ADCY9: variants seen among roughly 807,000 people sequenced by gnomAD.
ADCY9 encodes adenylate cyclase 9, also known as adenylate cyclase type 9.
In ADCY9, 50 loss-of-function variants were observed where a neutral mutation model predicts 101.5. That is an observed-to-expected ratio of 0.49 (90% CI 0.39 to 0.62). The LOEUF is 0.62. Among genes scored for constraint, ADCY9 ranks in the 20% least tolerant of loss-of-function variants. The probability of loss-of-function intolerance (pLI) is 0.00; values close to 1 mark genes in which losing one functional copy is unlikely to be tolerated. For synonymous variants in ADCY9, 905 were observed against 769.3 expected, an observed-to-expected ratio of 1.18 and a Z score of -2.92; for missense variants, 1,662 against 1,800.4, an observed-to-expected ratio of 0.92 and a Z score of 1.39.
intron 2 of ADCY9, among the ~76,000 whole-genome samples, chr16:4,108,969 G>A (rs969469718): frequency 6.6e-6 from 1 of 151,958 alleles, no homozygotes; most frequent in African/African-American, 2.4e-5. Flanking sequence ...GCCTCCCAAA[G>A]TGTTGAGATT....
intron 3 of ADCY9, among the ~76,000 whole-genome samples, chr16:3,999,780 T>G (rs1031154631): frequency 2.0e-5 from 3 of 152,226 alleles, no homozygotes; most frequent in Non-Finnish European, 4.4e-5. Context: ...GGGAAGAGTG[T>G]AGCCATTTCT....
chr16:4,097,404 T>C (rs1297976312), intron 2 of ADCY9, among the ~76,000 whole-genome samples: 2 of 147,688 alleles, frequency 1.4e-5, no homozygotes, highest in Non-Finnish European at 3.0e-5. Context: ...TCTGTGTAGA[T>C]GTTTGGGGTG....
At chr16:3,987,964 C>G (rs72762731) in intron 6 of ADCY9, among the ~76,000 whole-genome samples, 6,767 of 151,976 alleles carry the variant, frequency 0.045, 194 homozygotes, top group Admixed American at 0.061. Flanking sequence ...CACTTGTGAG[C>G]GCTGGGACTC....
At chr16:4,046,278 C>A (rs1399631316) in intron 2 of ADCY9, among the ~76,000 whole-genome samples, 1 of 152,048 alleles carries the variant, frequency 6.6e-6, no homozygotes, top group Non-Finnish European at 1.5e-5. Context: ...TGAACCACAA[C>A]ACCCAGTGCC....
intron 9 of ADCY9, 134 bp downstream of exon 9, chr16:3,977,348 A>G: frequency 8.7e-7 from 1 of 1,148,888 alleles, no homozygotes; most frequent in Non-Finnish European, 1.2e-6. Context: ...GTGTGCTGAC[A>G]GCTATTTTGG....
chr16:3,987,684 G>A (rs968255673), intron 6 of ADCY9, among the ~76,000 whole-genome samples: 3 of 152,194 alleles, frequency 2.0e-5, no homozygotes, highest in African/African-American at 4.8e-5. Context: ...CCCACCCCAC[G>A]AGGCATGAAC....
chr16:4,071,203 G>T (rs1383464183), intron 2 of ADCY9, among the ~76,000 whole-genome samples: 1 of 151,694 alleles, frequency 6.6e-6, no homozygotes, highest in African/African-American at 2.4e-5. Flanking sequence ...GGTGATCCAT[G>T]TCTGTAATCC....
intron 2 of ADCY9, among the ~76,000 whole-genome samples, chr16:4,065,761 G>C (rs1352602798): frequency 6.6e-6 from 1 of 152,178 alleles, no homozygotes; most frequent in Non-Finnish European, 1.5e-5. Flanking sequence ...TAGAGGCGGG[G>C]TTTCGCCATG....
At chr16:4,054,913 A>T (rs1301710091) in intron 2 of ADCY9, among the ~76,000 whole-genome samples, 1 of 152,198 alleles carries the variant, frequency 6.6e-6, no homozygotes, top group Non-Finnish European at 1.5e-5. Context: ...AGAATCCCAC[A>T]TGCTGTACAA....
intron 2 of ADCY9, among the ~76,000 whole-genome samples, chr16:4,096,006 G>C (rs8054439): frequency 0.12 from 18,119 of 148,752 alleles, 1,549 homozygotes; most frequent in East Asian, 0.43. Flanking sequence ...AAATCAAATG[G>C]GGTTCCTCTA....
At chr16:4,009,447 G>A (rs1232883351) in intron 2 of ADCY9, among the ~76,000 whole-genome samples, 1 of 152,036 alleles carries the variant, frequency 6.6e-6, no homozygotes, top group Non-Finnish European at 1.5e-5. Context: ...TTTGAGATGG[G>A]GGTCTCACTG....
intron 2 of ADCY9, among the ~76,000 whole-genome samples, chr16:4,058,275 C>T (rs1043966792): frequency 6.6e-6 from 1 of 150,898 alleles, no homozygotes; most frequent in African/African-American, 2.4e-5. Flanking sequence ...ACCACCCTGG[C>T]CAACACGGTA....
At chr16:3,984,963 C>T (rs1012805318) in intron 6 of ADCY9, among the ~76,000 whole-genome samples, 5 of 152,138 alleles carry the variant, frequency 3.3e-5, no homozygotes, top group African/African-American at 1.2e-4. Flanking sequence ...GGCTGCCAGT[C>T]AGCCCTGATG....
chr16:3,983,684 T>C (rs2056165971), intron 6 of ADCY9: 1 of 525,026 alleles, frequency 1.9e-6, no homozygotes, highest in Non-Finnish European at 3.4e-6. Flanking sequence ...ATCCCGACAC[T>C]TTGGGAGGCT....
At chr16:3,978,887 T>G (rs2056115708) in intron 8 of ADCY9, among the ~76,000 whole-genome samples, 1 of 152,044 alleles carries the variant, frequency 6.6e-6, no homozygotes, top group African/African-American at 2.4e-5. Flanking sequence ...GACCAGCTAA[T>G]TGTATTTTTA....
intron 2 of ADCY9, among the ~76,000 whole-genome samples, chr16:4,057,050 C>CA (rs1162072759): frequency 3.0e-5 from 4 of 135,122 alleles, no homozygotes; most frequent in East Asian, 2.8e-4. Flanking sequence ...CCCCCCCCCC[C>CA]CCGCCAATCT....
At chr16:4,087,915 T>C (rs978607728) in intron 2 of ADCY9, among the ~76,000 whole-genome samples, 2 of 151,164 alleles carry the variant, frequency 1.3e-5, no homozygotes, top group Non-Finnish European at 3.0e-5. Context: ...CTTTCTTTCG[T>C]TTCTTTCTTC....
At chr16:3,959,362 CAAA>C (rs71133675), downstream of ADCY9, among the ~76,000 whole-genome samples, 2,445 of 133,512 alleles carry the variant, frequency 0.018, 59 homozygotes, top group African/African-American at 0.069. Context: ...ACTCTTATCT[CAAA>C]AAAAAAAAAA....
In ADCY9 at chr16:3,983,384, C is replaced by A. The variant is rs1298685838; in HGVS notation, c.2367G>T (p.Leu789=). 1.2e-6 allele frequency: 2 copies of A among 1,608,184 alleles called. No individual in the cohort carries two copies. ...TFASPTFSSL[L]DVFLSTTVFL... ...ACACTGTGGTCGACAGAAACACATC[C>A]AGGAGGGAGCTGAAGGTGGGACTAG... is the stretch of plus-strand genomic sequence containing the variant. The change falls in exon 7 of 11, where the codon CTG becomes CTT. Residue 789 remains leucine, a synonymous_variant. Transcript: ENST00000294016.
Sources: gnomAD v4.1 joint callset for allele counts (sites outside exome capture counted in the v4.1 genomes callset) on GRCh38, gnomAD v4.1.1 for gene constraint, MANE v1.5 for transcripts, NCBI Gene and HGNC (gene_info 2026-07-23, HGNC 2026-07-21) for gene names.